Variants in DMWD observed in about 807,000 individuals in gnomAD.
DMWD encodes dystrophia myotonica WD repeat-containing protein.
In DMWD, 19 loss-of-function variants were observed where a neutral mutation model predicts 45.8. That is an observed-to-expected ratio of 0.41 (90% CI 0.29 to 0.61). DMWD has a LOEUF of 0.61. Ranked by LOEUF, DMWD falls within the 20% of genes least tolerant of loss-of-function variation. The pLI is 0.25. For missense variants in DMWD, 802 were observed against 965.2 expected (o/e 0.83, Z 2.24); for synonymous variants, 515 against 440.5 (o/e 1.17, Z -2.12).
intron 3 of DMWD, chr19:45,785,378 C>T: frequency 8.0e-7 from 1 of 1,250,952 alleles, no homozygotes; most frequent in Non-Finnish European, 1.0e-6. Context: ...GGCTCTCACA[C>T]CCACCCCTCT....
intron 1 of DMWD, among the ~76,000 whole-genome samples, chr19:45,791,584 C>A (rs1970357316): frequency 6.6e-6 from 1 of 152,154 alleles, no homozygotes; most frequent in Non-Finnish European, 1.5e-5. Flanking sequence ...ACCCGTCAAA[C>A]CTCACGGTCT....
intron 2 of DMWD, chr19:45,790,284 C>G (rs1970338566): frequency 6.6e-6 from 1 of 150,694 alleles, no homozygotes; most frequent in Admixed American, 6.6e-5. Flanking sequence ...GCACTCCAGC[C>G]TGGGCGACAG....
At position 45,784,118 on chromosome 19, in the gene DMWD, G is replaced by C. The variant is rs755169772; in HGVS notation, c.*125C>G. ...GGGGCCCCCAAATTTTGTGCAGGTG[G>C]GGGGACTGGAGCAGTCCATCCATCA... On this transcript the variant is annotated 3_prime_UTR_variant, in exon 5 of 5. Transcript: ENST00000270223. 1.0e-5 allele frequency: 9 copies of C among 861,868 alleles called. No homozygotes were observed. In the South Asian group the frequency reaches 1.1e-4, roughly 11 times the overall value. The allele number at this position is 861,868 out of a possible 1,614,324, so 53.4% of individuals were successfully genotyped here. A position where few individuals can be genotyped will look rare whatever the true frequency, so the allele number is the denominator to read the frequency against.
chr19:45,788,713 G>A (rs544365727), intron 2 of DMWD, among the ~76,000 whole-genome samples: 79 of 152,144 alleles, frequency 5.2e-4, no homozygotes, highest in Non-Finnish European at 1.0e-3. Flanking sequence ...AGAATAGCTT[G>A]AGCCCAGGAG....
Position 45,786,715 on chromosome 19 carries a change from C to G in DMWD, c.781G>C (p.Glu261Gln). The G allele has an allele frequency of 6.2e-7, 1 of 1,612,802 alleles. No individual in the cohort carries two copies. The highest frequency in any genetic ancestry group is 8.5e-7 in the Non-Finnish European group (1 of 1,179,014). ...TTGGCAGCATAGACAGAGAAGCCCT[C>G]GCCCTGCTTCAGCAGGCTGTACTGG... ...PPQYSLLKQG[E>Q]GFSVYAAKSK... Residue 261 changes from glutamate to glutamine, a missense_variant, in exon 3 of 5, where the codon GAG becomes CAG. Around this residue, in one of 9 missense-constraint regions of DMWD, gnomAD observed 146 missense variants for 212.8 expected, o/e 0.69. Coordinates refer to ENST00000270223, the MANE Select transcript of DMWD (RefSeq NM_004943.2).
In DMWD at chr19:45,786,770, G is replaced by A. The variant is rs1181666392; in HGVS notation, c.726C>T (p.Asn242=). Residue 242 remains asparagine (N), a synonymous_variant, in exon 3 of 5, where the codon AAC becomes AAT. Coordinates refer to ENST00000270223, the MANE Select transcript of DMWD (RefSeq NM_004943.2). ...SHASGHLYLY[N]VSHPCASAPP... Reference sequence around the variant, plus strand: ...GGGCCGAGGCGCAGGGGTGGCTGACGTTGTACAGGTACAGGTGGCCACTGG... The same window carrying A: ...GGGCCGAGGCGCAGGGGTGGCTGACATTGTACAGGTACAGGTGGCCACTGG... The A allele has an allele frequency of 4.3e-6, 7 of 1,614,062 alleles. No homozygotes were observed. Among genetic ancestry groups the A allele is most frequent in the Non-Finnish European group, 5.1e-6 (6 of 1,180,048 alleles).
At chr19:45,791,209 T>C (rs1970353185) in intron 1 of DMWD, 122 bp from the exon 2 acceptor site, 3 of 1,015,678 alleles carry the variant, frequency 3.0e-6, no homozygotes, top group African/African-American at 1.6e-5. Context: ...AGTGGGGAGG[T>C]GAGTAGGTGG....
chr19:45,791,171 G>C, intron 1 of DMWD, 84 bp from the exon 2 acceptor site: 2 of 1,417,626 alleles, frequency 1.4e-6, no homozygotes, highest in Non-Finnish European at 9.6e-7. Flanking sequence ...AAACCACTAA[G>C]AGGAAGCAGG....
chr19:45,785,918 G>C lies in DMWD; in HGVS notation c.1578C>G (p.Leu526=), dbSNP rs367705881. The C allele has an allele frequency of 6.2e-7, 1 of 1,602,690 alleles. No individual in the cohort carries two copies. Among genetic ancestry groups the C allele is most frequent in the South Asian group, 1.1e-5 (1 of 90,904 alleles). ...TPFSIGRFAT[L]TLQERRDRGA... is the part of the protein sequence containing the mutation. ...CCCGGTCCCGCCGCTCCTGCAGTGT[G>C]AGCGTGGCGAAGCGGCCAATGCTGA... Residue 526 remains leucine, a synonymous_variant, in exon 3 of 5, where the codon CTC becomes CTG. Transcript: ENST00000270223.
chr19:45,786,365 G>A lies in DMWD; in HGVS notation c.1131C>T (p.Asp377=), dbSNP rs776459907. The change falls in exon 3 of 5, where the codon GAC becomes GAT. Residue 377 remains aspartate (D), a synonymous_variant. Coordinates refer to ENST00000270223, the MANE Select transcript of DMWD (RefSeq NM_004943.2). ...HKSWVNAVAF[D]PYTTRAEEAA... is the part of the protein sequence containing the mutation. Reference sequence around the variant, plus strand: ...CCTCCTCTGCCCTTGTGGTGTAGGGGTCAAAGGCCACAGCGTTGACCCAGG... The same window carrying A: ...CCTCCTCTGCCCTTGTGGTGTAGGGATCAAAGGCCACAGCGTTGACCCAGG... 57 of 1,612,180 alleles carry A rather than the reference G, an allele frequency of 3.5e-5. No homozygotes were observed. Among genetic ancestry groups the A allele is most frequent in the Non-Finnish European group, 4.4e-5 (52 of 1,179,070 alleles).
At position 45,785,873 on chromosome 19, in the gene DMWD, C is replaced by T. The variant is rs757505317; in HGVS notation, c.1623G>A (p.Lys541=). ...RRDRGAEKEH[K]RYHSLGNISR... is the part of the protein sequence containing the mutation. ...TGATGTTGCCCAGGCTGTGGTAGCG[C>T]TTGTGCTCCTTCTCTGCCCCCCGGT... Residue 541 remains lysine, a synonymous_variant, in exon 3 of 5, where the codon AAG becomes AAA. Transcript: ENST00000270223. 6.2e-7 allele frequency: 1 copy of T among 1,606,454 alleles called. No individual in the cohort carries two copies. Among genetic ancestry groups the T allele is most frequent in the Non-Finnish European group, 8.5e-7 (1 of 1,179,710 alleles).
At chr19:45,790,677 A>G (rs1013939638) in intron 2 of DMWD, 1 of 411,936 alleles carries the variant, frequency 2.4e-6, no homozygotes, top group African/African-American at 2.0e-5. Context: ...AAAGAAAGAA[A>G]GAAAGAAAGA....
rs1187535596 is a variant in DMWD, at chr19:45,786,195, G to A, written c.1301C>T (p.Ala434Val). The change falls in exon 3 of 5, where the codon GCG (alanine) becomes GTG (valine). Residue 434 changes from alanine (A) to valine (V), a missense_variant. By Grantham distance (64) the Ala-to-Val change is moderately conservative. Transcript: ENST00000270223. ...AGSITYRFGS[A>V]GQDTQFCLWD... ...CAGGCAGAACTGCGTGTCCTGGCCC[G>A]CCGAGCCAAAGCGGTAAGTAATGGA... is the stretch of plus-strand genomic sequence containing the variant. 5 of 1,609,428 alleles carry A rather than the reference G, an allele frequency of 3.1e-6. No individual in the cohort carries two copies. The highest frequency in any genetic ancestry group is 4.2e-6 in the Non-Finnish European group (5 of 1,178,242).
At chr19:45,791,906 G>C (rs549122776) in intron 1 of DMWD, among the ~76,000 whole-genome samples, 25 of 152,068 alleles carry the variant, frequency 1.6e-4, no homozygotes, top group Admixed American at 1.0e-3. Flanking sequence ...TCAATCTCAA[G>C]ACCCCTCTCC....
rs748366670 is a variant in DMWD, at chr19:45,786,333, G to A, written c.1163C>T (p.Thr388Ile). 1.1e-5 allele frequency: 18 copies of A among 1,607,032 alleles called. No homozygotes were observed. The highest frequency in any genetic ancestry group is 1.4e-5 in the Non-Finnish European group (17 of 1,175,110). ...PYTTRAEEAATAAGADGERSG... is the reference protein window; with the variant it reads ...PYTTRAEEAAIAAGADGERSG... ...CCGCTCCCCATCAGCACCGGCTGCT[G>A]TCGCCGCCTCCTCTGCCCTTGTGGT... The change falls in exon 3 of 5, where the codon ACA becomes ATA. Residue 388 changes from threonine (T) to isoleucine (I), a missense_variant. Physicochemically the swap from Thr to Ile is moderately conservative, Grantham distance 89 (BLOSUM62 -1). Transcript: ENST00000270223.
rs1568590820 is a variant in DMWD at position 45,784,197 on chromosome 19, T to C, written c.*46A>G. 6.6e-7 allele frequency: 1 copy of C among 1,514,030 alleles called. No individual in the cohort carries two copies. The highest frequency in any genetic ancestry group is 1.4e-5 in the African/African-American group (1 of 69,010). The allele number at this position is 1,514,030 out of a possible 1,614,324, so 93.8% of individuals were successfully genotyped here. A position where few individuals can be genotyped will look rare whatever the true frequency, so the allele number is the denominator to read the frequency against. Reference sequence around the variant, plus strand: ...TGAGGTCAGCAGGGAGGGTTATGGCTAGGAGGCTGGGGGCATGGGGTTGGG... The same window carrying C: ...TGAGGTCAGCAGGGAGGGTTATGGCCAGGAGGCTGGGGGCATGGGGTTGGG... On this transcript the variant is annotated 3_prime_UTR_variant, in exon 5 of 5. Transcript: ENST00000270223.
intron 2 of DMWD, chr19:45,787,094 C>G: frequency 1.3e-6 from 1 of 788,402 alleles, no homozygotes; most frequent in Non-Finnish European, 2.0e-6. Flanking sequence ...GCAAGGTGGC[C>G]ACAGGGTGCT....
At chr19:45,790,873 GA>G in intron 2 of DMWD, 31 bp downstream of exon 2, 1 of 1,580,480 alleles carries the variant, frequency 6.3e-7, no homozygotes. Context: ...TGAGAAGGCA[GA>G]GAAGTTGGGG....
At position 45,786,111 on chromosome 19, in the gene DMWD, AGGGTGC is replaced by A. The variant is rs764384830; in HGVS notation, c.1379_1384del (p.Arg460_Thr461del). On this transcript the variant is annotated inframe_deletion, in exon 3 of 5. Transcript: ENST00000270223. The stretch of plus-strand genomic sequence containing the variant: ...TGGCGTGGTGCCAGGTGTGCCAGGG[AGGGTGC>A]GGGTGCGGGCCAGGGGGGGGTGCGG... 2.5e-5 allele frequency: 38 copies of A among 1,529,908 alleles called. No homozygotes were observed. Among genetic ancestry groups the A allele is most frequent in the Non-Finnish European group, 3.1e-5 (35 of 1,136,444 alleles). 94.8% of individuals were successfully genotyped at this position (1,529,908 alleles called of 1,614,324 possible). A position where few individuals can be genotyped will look rare whatever the true frequency, so the allele number is the denominator to read the frequency against.
Sources: gnomAD v4.1 joint callset for allele counts (sites outside exome capture counted in the v4.1 genomes callset) on GRCh38, gnomAD v4.1.1 for gene constraint, gnomAD v4.1.1 regional missense constraint, MANE v1.5 for transcripts, NCBI Gene and HGNC (gene_info 2026-07-23, HGNC 2026-07-21) for gene names.